Variants in SEMA3E observed in about 807,000 individuals in gnomAD.
SEMA3E encodes semaphorin 3E, also known as semaphorin-3E.
In SEMA3E, 49 loss-of-function variants were observed where a neutral mutation model predicts 93.6. The observed-to-expected ratio is 0.52, with a 90% confidence interval of 0.42 to 0.66. The LOEUF (loss-of-function observed/expected upper bound fraction) is 0.66. Ranked by LOEUF, SEMA3E falls within the 30% of genes least tolerant of loss-of-function variation. The probability of loss-of-function intolerance (pLI) is 0.00; values close to 1 mark genes in which losing one functional copy is unlikely to be tolerated. For synonymous variants in SEMA3E, 363 were observed against 330.7 expected, an observed-to-expected ratio of 1.10 and a Z score of -1.06; for missense variants, 906 against 964.8, an observed-to-expected ratio of 0.94 and a Z score of 0.81.
At chr7:83,545,359 T>C (rs572803373) in intron 1 of SEMA3E, among the ~76,000 whole-genome samples, 94 of 152,108 alleles carry the variant, frequency 6.2e-4, no homozygotes, top group African/African-American at 2.1e-3. Flanking sequence ...TTTGAGTCAG[T>C]CCTTCCAGGC....
At chr7:83,482,892 G>T (rs1790178129) in intron 2 of SEMA3E, among the ~76,000 whole-genome samples, 1 of 132,098 alleles carries the variant, frequency 7.6e-6, no homozygotes, top group Admixed American at 8.5e-5. Flanking sequence ...CAGGGAAGGG[G>T]AGTTGTAAGG....
chr7:83,589,599 C>G (rs1285441286), intron 1 of SEMA3E, among the ~76,000 whole-genome samples: 2 of 151,918 alleles, frequency 1.3e-5, no homozygotes, highest in Admixed American at 6.6e-5. Flanking sequence ...GCAACATTAA[C>G]AATAAATAAA....
In SEMA3E at chr7:83,520,756, G is replaced by C. The variant is rs1000680145; in HGVS notation, c.116-30482C>G. Among the ~76,000 whole-genome samples, 60 of 152,172 alleles carry C rather than the reference G, an allele frequency of 3.9e-4. 1 individual carries two copies. Among genetic ancestry groups the C allele is most frequent in the Non-Finnish European group, 1.2e-4 (8 of 68,024 alleles). On this transcript the variant is annotated intron_variant, in intron 1 of 16. Coordinates refer to ENST00000643230, the MANE Select transcript of SEMA3E (RefSeq NM_012431.3). ...AGTTATTTTGAGTCCTAAAGACACAGCTATTCACAAACAATTTTAAGTCAT... is the reference window on the plus strand; with the variant it reads ...AGTTATTTTGAGTCCTAAAGACACACCTATTCACAAACAATTTTAAGTCAT...
intron 1 of SEMA3E, among the ~76,000 whole-genome samples, chr7:83,506,136 C>G (rs1252065163): frequency 1.3e-5 from 2 of 150,708 alleles, no homozygotes; most frequent in East Asian, 3.9e-4. Flanking sequence ...TCTTATTGAT[C>G]TGTTTTCCTG....
chr7:83,609,603 C>T (rs1350050254), intron 1 of SEMA3E, among the ~76,000 whole-genome samples: 2 of 151,912 alleles, frequency 1.3e-5, no homozygotes, highest in East Asian at 3.8e-4. Context: ...CTCATTCAAA[C>T]AACCATCATC....
intron 5 of SEMA3E, among the ~76,000 whole-genome samples, chr7:83,411,812 A>G (rs569112285): frequency 2.0e-3 from 303 of 152,314 alleles, no homozygotes; most frequent in African/African-American, 6.6e-3. Flanking sequence ...ACATTTTATA[A>G]AAAGATTAAA....
At chr7:83,610,748 T>C (rs1026764969) in intron 1 of SEMA3E, among the ~76,000 whole-genome samples, 3 of 152,076 alleles carry the variant, frequency 2.0e-5, no homozygotes, top group Admixed American at 6.6e-5. Context: ...GAAGACCACA[T>C]GAAGAATGAA....
chr7:83,380,544 A>G (rs1787756384), intron 16 of SEMA3E, among the ~76,000 whole-genome samples: 1 of 151,882 alleles, frequency 6.6e-6, no homozygotes, highest in Non-Finnish European at 1.5e-5. Context: ...CTCTCTACTA[A>G]TTACCCTCTA....
intron 1 of SEMA3E, among the ~76,000 whole-genome samples, chr7:83,640,123 G>A (rs1227812464): frequency 1.3e-5 from 2 of 151,788 alleles, no homozygotes; most frequent in Non-Finnish European, 2.9e-5. Context: ...GTCCTCAGCT[G>A]ACCTCTGTTT....
chr7:83,648,174 A>C (rs867590890), intron 1 of SEMA3E, among the ~76,000 whole-genome samples: 4 of 152,150 alleles, frequency 2.6e-5, no homozygotes, highest in African/African-American at 9.6e-5. Context: ...CTTATTGATA[A>C]AATCCAATGT....
chr7:83,464,583 C>A (rs541144934), intron 4 of SEMA3E, among the ~76,000 whole-genome samples: 117 of 143,978 alleles, frequency 8.1e-4, no homozygotes, highest in African/African-American at 2.6e-3. Context: ...TCTCCTTAGG[C>A]ACTCTCTAAT....
chr7:83,424,070 G>A (rs1788723159), intron 4 of SEMA3E, among the ~76,000 whole-genome samples: 3 of 152,064 alleles, frequency 2.0e-5, no homozygotes, highest in African/African-American at 7.2e-5. Context: ...TATGTAAAAA[G>A]GAGAAGAAAG....
intron 2 of SEMA3E, among the ~76,000 whole-genome samples, chr7:83,473,194 A>G (rs999022850): frequency 2.6e-5 from 4 of 152,224 alleles, no homozygotes; most frequent in Non-Finnish European, 5.9e-5. Context: ...GCCAAGTAGC[A>G]TGGGCCTCTC....
At chr7:83,633,936 C>T (rs1158377305) in intron 1 of SEMA3E, among the ~76,000 whole-genome samples, 2 of 152,122 alleles carry the variant, frequency 1.3e-5, no homozygotes, top group African/African-American at 4.8e-5. Flanking sequence ...TGAAGTAGTT[C>T]CTTAACTGGC....
chr7:83,436,504 CAT>C (rs747042711), intron 4 of SEMA3E, among the ~76,000 whole-genome samples: 4 of 151,452 alleles, frequency 2.6e-5, no homozygotes, highest in Non-Finnish European at 4.4e-5. Flanking sequence ...CACACATATA[CAT>C]ATATATATAT....
intron 1 of SEMA3E, among the ~76,000 whole-genome samples, chr7:83,507,635 T>C (rs80259276): frequency 0.032 from 4,847 of 151,720 alleles, 87 homozygotes; most frequent in African/African-American, 0.047. Flanking sequence ...AAAAGAAACA[T>C]GACAATTAAA....
intron 1 of SEMA3E, among the ~76,000 whole-genome samples, chr7:83,548,078 C>A (rs1791686796): frequency 6.6e-6 from 1 of 152,030 alleles, no homozygotes; most frequent in African/African-American, 2.4e-5. Context: ...CCTCTATTTC[C>A]TGTCTTTGTT....
intron 1 of SEMA3E, among the ~76,000 whole-genome samples, chr7:83,623,866 C>A (rs929182731): frequency 2.0e-5 from 3 of 151,276 alleles, no homozygotes; most frequent in African/African-American, 7.3e-5. Flanking sequence ...CTATGGCTAT[C>A]CCTCCCCTTG....
At chr7:83,445,329 CTA>C (rs2115799045) in intron 4 of SEMA3E, among the ~76,000 whole-genome samples, 1 of 152,200 alleles carries the variant, frequency 6.6e-6, no homozygotes, top group East Asian at 1.9e-4. Context: ...ATAGAGAACT[CTA>C]AAACATTTTT....
Sources: gnomAD v4.1 joint callset for allele counts (sites outside exome capture counted in the v4.1 genomes callset) on GRCh38, gnomAD v4.1.1 for gene constraint, MANE v1.5 for transcripts, NCBI Gene and HGNC (gene_info 2026-07-23, HGNC 2026-07-21) for gene names.